Variants in PARP6 observed in about 807,000 individuals in gnomAD.
PARP6 encodes the protein poly(ADP-ribose) polymerase family member 6.
PARP6 carries 27 observed loss-of-function variants against 92.0 expected under a neutral mutation model. The ratio of observed to expected loss-of-function variants is 0.29; its 90% CI spans 0.22 to 0.40. PARP6 has a LOEUF of 0.40. Ranked by LOEUF, PARP6 falls within the 10% of genes least tolerant of loss-of-function variation. The probability of loss-of-function intolerance (pLI) is 1.00; values close to 1 mark genes in which losing one functional copy is unlikely to be tolerated. For synonymous variants in PARP6, 272 were observed against 281.2 expected (o/e 0.97, Z 0.33); for missense variants, 501 against 784.5 (o/e 0.64, Z 4.32).
In PARP6 at chr15:72,271,105, C is replaced by G. The variant is rs1232252155; in HGVS notation, c.-277G>C. On this transcript the variant is annotated 5_prime_UTR_variant, in exon 2 of 24. Coordinates refer to ENST00000569795, the MANE Select transcript of PARP6 (RefSeq NM_001323532.2). ...TGAAAATAAACAGTCAAGTGCTGATCTGGATGATCACAGAGGAATAAAGAG... is the reference window on the plus strand; with the variant it reads ...TGAAAATAAACAGTCAAGTGCTGATGTGGATGATCACAGAGGAATAAAGAG... The G allele has an allele frequency of 2.0e-5, 3 of 152,132 alleles. No individual in the cohort carries two copies. The highest frequency in any genetic ancestry group is 7.2e-5 in the African/African-American group (3 of 41,414). The allele number at this position is 152,132 out of a possible 1,614,324, so 9.4% of individuals were successfully genotyped here.
chr15:72,249,085 T>G, intron 20 of PARP6, 160 bp downstream of exon 20: 4 of 424,166 alleles, frequency 9.4e-6, no homozygotes, highest in Non-Finnish European at 1.7e-5. Flanking sequence ...AAATTTCTAA[T>G]AAGAAAATGT....
rs1271357637 is a variant in PARP6 at position 72,242,245 on chromosome 15, A to G, written c.1642-25T>C. On this transcript the variant is annotated intron_variant, in intron 21 of 23. Transcript: ENST00000569795. The surrounding 1 kb of genome is among the most constrained non-coding windows in gnomAD (Gnocchi z 4.3). ...TCTGGAAGAGAAGGAGGCAAAGGAGACCAGAGCCAGGTAGATGGGTACAGC... is the reference window on the plus strand; with the variant it reads ...TCTGGAAGAGAAGGAGGCAAAGGAGGCCAGAGCCAGGTAGATGGGTACAGC... 6.2e-7 allele frequency: 1 copy of G among 1,602,750 alleles called. No individual in the cohort carries two copies. Among genetic ancestry groups the G allele is most frequent in the African/African-American group, 1.3e-5 (1 of 74,676 alleles).
intron 20 of PARP6, among the ~76,000 whole-genome samples, chr15:72,246,716 C>CTG (rs1555450811): frequency 6.6e-6 from 1 of 152,052 alleles, no homozygotes; most frequent in Non-Finnish European, 1.5e-5. Flanking sequence ...CAGTCTCACT[C>CTG]TGTCTTCTGG....
intron 8 of PARP6, among the ~76,000 whole-genome samples, chr15:72,262,355 T>C (rs1239143933): frequency 2.0e-5 from 3 of 152,178 alleles, no homozygotes; most frequent in East Asian, 3.9e-4. Flanking sequence ...AACCCTACTA[T>C]AAAATCTACT....
At chr15:72,268,478 C>A (rs2086901250) in intron 2 of PARP6, among the ~76,000 whole-genome samples, 1 of 152,252 alleles carries the variant, frequency 6.6e-6, no homozygotes, top group Admixed American at 6.5e-5. Flanking sequence ...ACGGCCAGAT[C>A]ACCTGAGGTC....
At chr15:72,262,007 C>G (rs1217885587) in intron 8 of PARP6, among the ~76,000 whole-genome samples, 5 of 152,074 alleles carry the variant, frequency 3.3e-5, no homozygotes, top group Non-Finnish European at 5.9e-5. Context: ...AAATCTATTG[C>G]CAAGAATGAC....
chr15:72,266,944 C>A, intron 3 of PARP6, 122 bp from the exon 4 acceptor site: 1 of 756,948 alleles, frequency 1.3e-6, no homozygotes, highest in Non-Finnish European at 2.3e-6. Context: ...ATAACTGAAG[C>A]CCTGATCCCT....
intron 2 of PARP6, among the ~76,000 whole-genome samples, chr15:72,267,886 G>A (rs1292585878): frequency 6.6e-6 from 1 of 152,072 alleles, no homozygotes; most frequent in African/African-American, 2.4e-5. Flanking sequence ...CAAGTAGCTG[G>A]AATTACAGGT....
intron 20 of PARP6, among the ~76,000 whole-genome samples, chr15:72,245,947 AAAG>A (rs1382581781): frequency 5.9e-5 from 9 of 152,198 alleles, no homozygotes; most frequent in African/African-American, 2.2e-4. Flanking sequence ...CGGAAAGACA[AAAG>A]AACTTAATCA....
At chr15:72,254,426 G>A (rs532379500) in intron 15 of PARP6, 29 bp downstream of exon 15, 6 of 1,540,466 alleles carry the variant, frequency 3.9e-6, no homozygotes, top group East Asian at 4.5e-5. Context: ...GGCAGGCAAA[G>A]GAGAGGGGAC....
rs1359495890 is a variant in PARP6 at position 72,249,238 on chromosome 15, T to A, written c.1561+7A>T. The A allele has an allele frequency of 6.4e-7, 1 of 1,571,236 alleles. No individual in the cohort carries two copies. Among genetic ancestry groups the A allele is most frequent in the Non-Finnish European group, 8.7e-7 (1 of 1,143,176 alleles). ...TAGAGTCAAGGTGGCCACAGAATAT[T>A]TCTTACCTGAGTATCCAAAGGAAAT... On this transcript the variant is annotated splice_region_variant and intron_variant, in intron 20 of 23. Coordinates refer to ENST00000569795, the MANE Select transcript of PARP6 (RefSeq NM_001323532.2).
chr15:72,270,906 T>C (rs2087333972), intron 2 of PARP6, 117 bp downstream of exon 2: 1 of 152,202 alleles, frequency 6.6e-6, no homozygotes, highest in Non-Finnish European at 1.5e-5. Context: ...AGAGAATAAA[T>C]GAATGAACCC....
At position 72,256,453 on chromosome 15, in the gene PARP6, C is replaced by G. The variant is rs557159035; in HGVS notation, c.1125+12G>C. On this transcript the variant is annotated intron_variant, in intron 14 of 23. Transcript: ENST00000569795. ...TTCTGTTCCTTAGCCCTGACTTTCTCAAGTAACATACCTTAGGGTTAAAGG... is the reference window on the plus strand; with the variant it reads ...TTCTGTTCCTTAGCCCTGACTTTCTGAAGTAACATACCTTAGGGTTAAAGG... The G allele has an allele frequency of 3.9e-6, 6 of 1,530,698 alleles. No individual in the cohort carries two copies. The highest frequency in any genetic ancestry group is 2.5e-5 in the East Asian group (1 of 40,550). 94.8% of individuals were successfully genotyped at this position (1,530,698 alleles called of 1,614,324 possible).
At chr15:72,254,334 T>TA (rs914803904) in intron 15 of PARP6, 121 bp downstream of exon 15, 1,805 of 585,294 alleles carry the variant, frequency 3.1e-3, no homozygotes, top group South Asian at 4.4e-3. Flanking sequence ...GAGGAAAGAC[T>TA]AAAAAAAAAA....
chr15:72,267,404 G>A (rs1212691162), intron 3 of PARP6, 71 bp downstream of exon 3: 1 of 1,529,492 alleles, frequency 6.5e-7, no homozygotes, highest in Non-Finnish European at 9.1e-7. Flanking sequence ...TACCAAGAAA[G>A]GGTGAGATCT....
intron 16 of PARP6, among the ~76,000 whole-genome samples, chr15:72,251,750 CT>C (rs1400103915): frequency 6.6e-6 from 1 of 152,178 alleles, no homozygotes; most frequent in Non-Finnish European, 1.5e-5. Flanking sequence ...GAGAAAGTTA[CT>C]GTCTAGGCTG....
chr15:72,259,531 G>C, intron 11 of PARP6, 77 bp downstream of exon 11: 2 of 1,098,872 alleles, frequency 1.8e-6, no homozygotes, highest in Non-Finnish European at 2.8e-6. Flanking sequence ...TTTGATTGAG[G>C]AGCTGGGAGG....
chr15:72,241,382 GC>G lies in PARP6; in HGVS notation c.*72del, dbSNP rs2083033004. ...TTGATTCCTCAGGGCAGCCTCAGCTGCTGTACCTGAACACTTTTATGAGGGC... is the reference window on the plus strand; with the variant it reads ...TTGATTCCTCAGGGCAGCCTCAGCTGTGTACCTGAACACTTTTATGAGGGC... On this transcript the variant is annotated 3_prime_UTR_variant, in exon 24 of 24. Transcript: ENST00000569795. This position sits in a 1 kb window ranked among gnomAD's most constrained non-coding sequence, Gnocchi z 4.1. 3.8e-6 allele frequency: 4 copies of G among 1,049,852 alleles called. No individual in the cohort carries two copies. 65.0% of individuals were successfully genotyped at this position (1,049,852 alleles called of 1,614,324 possible). A position where few individuals can be genotyped will look rare whatever the true frequency, so the allele number is the denominator to read the frequency against.
At position 72,265,129 on chromosome 15, in the gene PARP6, T is replaced by G; in HGVS notation, c.280A>C (p.Ile94Leu). The G allele has an allele frequency of 6.2e-7, 1 of 1,613,648 alleles. No individual in the cohort carries two copies. Among genetic ancestry groups the G allele is most frequent in the Non-Finnish European group, 8.5e-7 (1 of 1,179,664 alleles). The change falls in exon 7 of 24, where the codon ATT (isoleucine) becomes CTT (leucine). Residue 94 changes from isoleucine (I) to leucine (L), a missense_variant. This residue lies in a region of PARP6 where 291 missense variants were observed against 352.0 expected (regional missense o/e 0.83). Coordinates refer to ENST00000569795, the MANE Select transcript of PARP6 (RefSeq NM_001323532.2). ...AGAGAAAATCGCAGCCTCAACACAA[T>G]AGGTTCTGTCCGGAGGACCTTCCAG... is the stretch of plus-strand genomic sequence containing the variant. ...TAWKVLRTEPIVLRLRFSLSQ... is the reference protein window; with the variant it reads ...TAWKVLRTEPLVLRLRFSLSQ...
Sources: allele counts gnomAD v4.1 joint callset (sites outside exome capture counted in the v4.1 genomes callset), GRCh38; gene constraint gnomAD v4.1.1; regional missense constraint gnomAD v4.1.1; non-coding constraint Gnocchi (gnomAD v3.1); transcripts MANE v1.5; gene names NCBI Gene and HGNC (gene_info 2026-07-23, HGNC 2026-07-21).